BNC2: variants seen among roughly 807,000 people sequenced by gnomAD.
BNC2 encodes zinc finger protein basonuclin-2.
In BNC2, 20 loss-of-function variants were observed where a neutral mutation model predicts 76.3. The ratio of observed to expected loss-of-function variants is 0.26; its 90% CI spans 0.18 to 0.38. The LOEUF (loss-of-function observed/expected upper bound fraction) is 0.38. Ranked by LOEUF, BNC2 falls within the 10% of genes least tolerant of loss-of-function variation. BNC2 has a pLI of 1.00. For synonymous variants in BNC2, 582 were observed against 514.8 expected, an observed-to-expected ratio of 1.13 and a Z score of -1.77; for missense variants, 1,382 against 1,399.8, an observed-to-expected ratio of 0.99 and a Z score of 0.20.
chr9:16,781,296 C>T (rs1404070477), intron 1 of BNC2, among the ~76,000 whole-genome samples: 2 of 148,504 alleles, frequency 1.3e-5, no homozygotes, highest in African/African-American at 5.0e-5. Flanking sequence ...TGCATACCTA[C>T]AAAAAAAAGC....
chr9:16,795,929 C>A (rs1297047855), intron 1 of BNC2, among the ~76,000 whole-genome samples: 1 of 152,264 alleles, frequency 6.6e-6, no homozygotes, highest in East Asian at 1.9e-4. Flanking sequence ...CTAAGCACCT[C>A]CAAGAGCAAG....
At position 16,419,263 on chromosome 9, in the gene BNC2, G is replaced by A. The variant is rs1214572092; in HGVS notation, c.3026C>T (p.Pro1009Leu). 6 of 1,614,208 alleles carry A rather than the reference G, an allele frequency of 3.7e-6. No homozygotes were observed. The highest frequency in any genetic ancestry group is 2.2e-5 in the East Asian group (1 of 44,862). The stretch of plus-strand genomic sequence containing the variant: ...AGCCCCTAGGCTGCCAGGGAGGGCA[G>A]GGGCCTCGGCCTTGTGTGCCGACTC... ...SGESAHKAEA[P>L]ALPGSLGAEV... is the part of the protein sequence containing the mutation. The change falls in exon 7 of 7, where the codon CCT becomes CTT. Residue 1009 changes from proline to leucine, a missense_variant. Around this residue, in one of 3 missense-constraint regions of BNC2, gnomAD observed 798 missense variants for 775.5 expected, o/e 1.03. Coordinates refer to ENST00000380672, the MANE Select transcript of BNC2 (RefSeq NM_017637.6).
chr9:16,781,619 A>G (rs975477587), intron 1 of BNC2, among the ~76,000 whole-genome samples: 1 of 152,258 alleles, frequency 6.6e-6, no homozygotes, highest in Non-Finnish European at 1.5e-5. Flanking sequence ...CTGAAAGGAA[A>G]TATGAAAGAT....
intron 3 of BNC2, among the ~76,000 whole-genome samples, chr9:16,647,806 A>T (rs1821677901): frequency 6.6e-6 from 1 of 152,220 alleles, no homozygotes; most frequent in Non-Finnish European, 1.5e-5. Flanking sequence ...AGGTTTAATA[A>T]AGGTATCTTA....
At chr9:16,419,908 G>A (rs1020499570) in intron 6 of BNC2, among the ~76,000 whole-genome samples, 4 of 152,110 alleles carry the variant, frequency 2.6e-5, no homozygotes, top group African/African-American at 9.7e-5. Flanking sequence ...ATGGTAGGAT[G>A]AATGCAAACC....
intron 5 of BNC2, among the ~76,000 whole-genome samples, chr9:16,506,382 C>T (rs537787712): frequency 5.9e-5 from 9 of 152,210 alleles, no homozygotes; most frequent in African/African-American, 1.4e-4. Flanking sequence ...CTTAATCCCA[C>T]GCTTAAGTGA....
At chr9:16,837,167 T>G (rs1254278688) in intron 1 of BNC2, among the ~76,000 whole-genome samples, 2 of 152,178 alleles carry the variant, frequency 1.3e-5, no homozygotes, top group South Asian at 4.1e-4. Context: ...ACAACAAAGA[T>G]CTCAGTAATA....
In BNC2 at chr9:16,621,911, A is replaced by C. The variant is rs567301970; in HGVS notation, c.331-38826T>G. On this transcript the variant is annotated intron_variant, in intron 3 of 6. Coordinates refer to ENST00000380672, the MANE Select transcript of BNC2 (RefSeq NM_017637.6). ...TTTGATATACTGGGTCAAATGAAAT[A>C]CATTATTAAAATCAATTTCACCTGT... 2.0e-5 allele frequency among the ~76,000 whole-genome samples: 3 copies of C among 152,320 alleles called. No homozygotes were observed. In the South Asian group the frequency reaches 6.2e-4, roughly 32 times the overall value.
intron 3 of BNC2, among the ~76,000 whole-genome samples, chr9:16,637,289 C>G (rs1821356986): frequency 1.3e-5 from 2 of 152,072 alleles, no homozygotes; most frequent in African/African-American, 4.8e-5. Flanking sequence ...GCAAACTGCC[C>G]CCTTTACTGT....
At chr9:16,454,713 A>C (rs1821411637) in intron 5 of BNC2, among the ~76,000 whole-genome samples, 1 of 152,242 alleles carries the variant, frequency 6.6e-6, no homozygotes. Context: ...CTAAAAAATA[A>C]AACAAACAAA....
In BNC2 at chr9:16,653,139, T is replaced by C. The variant is rs1821837886; in HGVS notation, c.331-70054A>G. Among the ~76,000 whole-genome samples, 3 of 152,174 alleles carry C rather than the reference T, an allele frequency of 2.0e-5. 1 individual carries two copies. The South Asian group carries it at 6.2e-4, about 31-fold the overall frequency. ...GCTGCAAAATGACTTAAGAGTACAG[T>C]GAATTTTAAGACTATAAAGAGACCT... is the stretch of plus-strand genomic sequence containing the variant. On this transcript the variant is annotated intron_variant, in intron 3 of 6. Transcript: ENST00000380672.
rs950618735 is a variant in BNC2 at position 16,436,981 on chromosome 9, T to C, written c.1213A>G (p.Ile405Val). The change falls in exon 6 of 7, where the codon ATT (isoleucine) becomes GTT (valine). Residue 405 changes from isoleucine to valine, a missense_variant. Physicochemically the swap from Ile to Val is conservative, Grantham distance 29. Around this residue, in one of 3 missense-constraint regions of BNC2, gnomAD observed 557 missense variants for 540.9 expected, o/e 1.03. Transcript: ENST00000380672. The stretch of plus-strand genomic sequence containing the variant: ...TCACTGACTGGGGCAGAATTCTGAA[T>C]GGGAGAGACACAGGCTGGCTCGGTT... ...PKTEPACVSP[I>V]QNSAPVSDLT... 3.7e-6 allele frequency: 6 copies of C among 1,614,018 alleles called. No individual in the cohort carries two copies. In the Admixed American group the frequency reaches 1.0e-4, roughly 27 times the overall value.
At chr9:16,748,394 T>C (rs1191877051) in intron 1 of BNC2, among the ~76,000 whole-genome samples, 1 of 152,054 alleles carries the variant, frequency 6.6e-6, no homozygotes. Context: ...GTGCCAATGG[T>C]CCCAGCTACT....
intron 1 of BNC2, among the ~76,000 whole-genome samples, chr9:16,829,411 T>C (rs1428904062): frequency 5.3e-5 from 8 of 152,208 alleles, no homozygotes; most frequent in Admixed American, 2.0e-4. Flanking sequence ...GGTGATTACA[T>C]TCCTGATCCG....
intron 5 of BNC2, among the ~76,000 whole-genome samples, chr9:16,543,275 T>C (rs903225448): frequency 6.6e-6 from 1 of 152,172 alleles, no homozygotes; most frequent in African/African-American, 2.4e-5. Flanking sequence ...ATACGGCTCA[T>C]AGAAATTTTG....
intron 4 of BNC2, among the ~76,000 whole-genome samples, chr9:16,580,794 C>T (rs1819611444): frequency 6.6e-6 from 1 of 152,116 alleles, no homozygotes; most frequent in Non-Finnish European, 1.5e-5. Context: ...CATCTACTGT[C>T]CATTTTACTT....
At chr9:16,830,854 T>C (rs1818562403) in intron 1 of BNC2, among the ~76,000 whole-genome samples, 1 of 152,222 alleles carries the variant, frequency 6.6e-6, no homozygotes, top group Non-Finnish European at 1.5e-5. Flanking sequence ...GGCAGAGGAA[T>C]ACCCTAAGGA....
chr9:16,699,124 T>G, intron 3 of BNC2: 1 of 454,518 alleles, frequency 2.2e-6, no homozygotes, highest in Non-Finnish European at 4.5e-6. Flanking sequence ...TGTTTTTGTT[T>G]TTGTTTTTGT....
chr9:16,485,471 C>T (rs1822144523), intron 5 of BNC2, among the ~76,000 whole-genome samples: 1 of 152,196 alleles, frequency 6.6e-6, no homozygotes, highest in Non-Finnish European at 1.5e-5. Context: ...CACAAGCCTT[C>T]TGGAATTTCT....
Sources: allele counts gnomAD v4.1 joint callset (sites outside exome capture counted in the v4.1 genomes callset), GRCh38; gene constraint gnomAD v4.1.1; regional missense constraint gnomAD v4.1.1; transcripts MANE v1.5; gene names NCBI Gene and HGNC (gene_info 2026-07-23, HGNC 2026-07-21).